KCNN2: variants seen among roughly 807,000 people sequenced by gnomAD.
KCNN2 encodes the protein small conductance calcium-activated potassium channel protein 2.
Under a neutral mutation model 55.5 loss-of-function variants are expected in KCNN2, and 24 were observed. The observed-to-expected ratio is 0.43, with a 90% CI of 0.31 to 0.61. KCNN2 has a LOEUF of 0.61. Ranked by LOEUF, KCNN2 falls within the 20% of genes least tolerant of loss-of-function variation. The pLI, the probability that KCNN2 is intolerant of heterozygous loss-of-function variation, is 0.08. For missense variants in KCNN2, 754 were observed against 853.6 expected (o/e 0.88, Z 1.45); for synonymous variants, 431 against 336.1 (o/e 1.28, Z -3.09).
intron 2 of KCNN2, among the ~76,000 whole-genome samples, chr5:114,309,220 C>T (rs970092977): frequency 6.6e-6 from 1 of 152,148 alleles, no homozygotes; most frequent in Non-Finnish European, 1.5e-5. Flanking sequence ...AACAGTTTTA[C>T]CCAAGGCAGA....
At chr5:114,259,707 G>A (rs187886923) in intron 2 of KCNN2, among the ~76,000 whole-genome samples, 3 of 152,080 alleles carry the variant, frequency 2.0e-5, no homozygotes, top group African/African-American at 7.2e-5. Flanking sequence ...CTGTAGGGGT[G>A]AGGGGAGCCG....
intron 2 of KCNN2, among the ~76,000 whole-genome samples, chr5:114,329,112 G>A (rs1756761769): frequency 1.3e-5 from 2 of 152,024 alleles, no homozygotes; most frequent in Admixed American, 6.6e-5. Flanking sequence ...GAATTTCCCT[G>A]ATAACTCTGT....
intron 3 of KCNN2, among the ~76,000 whole-genome samples, chr5:114,411,457 T>C (rs1390109608): frequency 6.6e-6 from 1 of 152,018 alleles, no homozygotes; most frequent in Non-Finnish European, 1.5e-5. Flanking sequence ...GGTATGCTGG[T>C]ATATGTGGCT....
chr5:114,418,680 G>A (rs1759379593), intron 3 of KCNN2, among the ~76,000 whole-genome samples: 1 of 152,172 alleles, frequency 6.6e-6, no homozygotes, highest in South Asian at 2.1e-4. Flanking sequence ...TAACCCTAAA[G>A]CAGCATTTCA....
chr5:114,073,532 C>CAGTT (rs2112529059), intron 1 of KCNN2, among the ~76,000 whole-genome samples: 1 of 152,276 alleles, frequency 6.6e-6, no homozygotes, highest in Admixed American at 6.5e-5. Flanking sequence ...ATATCATTTA[C>CAGTT]AGTTCTTCAG....
intron 1 of KCNN2, among the ~76,000 whole-genome samples, chr5:114,122,462 C>G (rs1751845894): frequency 6.6e-6 from 1 of 152,132 alleles, no homozygotes; most frequent in Non-Finnish European, 1.5e-5. Context: ...TCTGTCCTTT[C>G]ATTGAAAAAT....
chr5:114,291,860 C>A (rs1755896499), intron 2 of KCNN2, among the ~76,000 whole-genome samples: 1 of 152,146 alleles, frequency 6.6e-6, no homozygotes, highest in Admixed American at 6.5e-5. Flanking sequence ...CTATTGTTTC[C>A]TGACTTTTTA....
chr5:114,476,569 C>T (rs751852845), intron 5 of KCNN2, among the ~76,000 whole-genome samples: 6 of 152,068 alleles, frequency 3.9e-5, no homozygotes, highest in Non-Finnish European at 7.4e-5. Context: ...CAGGCATGCA[C>T]CACCATGCCC....
chr5:114,368,798 A>G (rs1245902733), intron 2 of KCNN2, among the ~76,000 whole-genome samples: 1 of 152,134 alleles, frequency 6.6e-6, no homozygotes, highest in Admixed American at 6.6e-5. Flanking sequence ...ATTTAGGAAT[A>G]CACCCATACC....
intron 1 of KCNN2, among the ~76,000 whole-genome samples, chr5:114,100,920 C>T (rs1751360850): frequency 6.6e-6 from 1 of 151,760 alleles, no homozygotes; most frequent in Non-Finnish European, 1.5e-5. Context: ...AGTTACATTA[C>T]ATTTTATATA....
intron 1 of KCNN2, among the ~76,000 whole-genome samples, chr5:114,138,784 G>A (rs1329329739): frequency 6.6e-6 from 1 of 152,118 alleles, no homozygotes; most frequent in East Asian, 1.9e-4. Context: ...AGAGGAGGAG[G>A]AAGAGGAGAG....
Position 114,384,517 on chromosome 5 carries a change from A to C in KCNN2, c.1219-19921A>C, listed in dbSNP as rs369784146. Among the ~76,000 whole-genome samples, 6 of 152,246 alleles carry C rather than the reference A, an allele frequency of 3.9e-5. No individual in the cohort carries two copies. In the East Asian group the frequency reaches 9.7e-4, roughly 25 times the overall value. On this transcript the variant is annotated intron_variant, in intron 2 of 7. Transcript: ENST00000673685. The stretch of plus-strand genomic sequence containing the variant: ...TTAGTCTGTGCCGTAAGTGTGCTTC[A>C]CTCTGGGATTCCCATCTTAACCTTC...
At chr5:114,215,710 C>G (rs1753987406) in intron 1 of KCNN2, among the ~76,000 whole-genome samples, 1 of 152,104 alleles carries the variant, frequency 6.6e-6, no homozygotes, top group South Asian at 2.1e-4. Flanking sequence ...GACAAGATGG[C>G]AATAATCGAC....
At position 114,169,584 on chromosome 5, in the gene KCNN2, A is replaced by T. The variant is rs149504387; in HGVS notation, c.-270-51896A>T. Among the ~76,000 whole-genome samples, 34 of 152,236 alleles carry T rather than the reference A, an allele frequency of 2.2e-4. 1 individual carries two copies. The highest frequency in any genetic ancestry group is 7.7e-4 in the African/African-American group (32 of 41,558). Reference sequence around the variant, plus strand: ...TTAGATACCAGACAGGAAGAATGCGACAGAGCCGTTATTATGTGCTCCATC... The same window carrying T: ...TTAGATACCAGACAGGAAGAATGCGTCAGAGCCGTTATTATGTGCTCCATC... On this transcript the variant is annotated intron_variant, in intron 1 of 10. Coordinates refer to the KCNN2 transcript ENST00000512097.
chr5:114,156,135 A>T (rs7701720), intron 1 of KCNN2, among the ~76,000 whole-genome samples: 2 of 152,014 alleles, frequency 1.3e-5, no homozygotes, highest in African/African-American at 2.4e-5. Context: ...TTTATTGAAT[A>T]GGGAATCTTT....
intron 1 of KCNN2, among the ~76,000 whole-genome samples, chr5:114,091,888 G>A (rs1206323770): frequency 2.6e-5 from 4 of 152,128 alleles, no homozygotes; most frequent in African/African-American, 4.8e-5. Context: ...TGGGGATTTT[G>A]GGGATTATGG....
rs561399052 is a variant in KCNN2 at position 114,124,156 on chromosome 5, G to T, written c.-271+67656G>T. 1.4e-4 allele frequency among the ~76,000 whole-genome samples: 21 copies of T among 152,282 alleles called. No individual in the cohort carries two copies. The South Asian group carries it at 4.4e-3, about 32-fold the overall frequency. On this transcript the variant is annotated intron_variant, in intron 1 of 10. Coordinates refer to the KCNN2 transcript ENST00000512097. ...AAGTTGTTTGTCATCATAATGGCAG[G>T]TTTGAGGTCAGGATGATAAATGGAT...
chr5:114,453,249 G>A (rs1708422931), intron 3 of KCNN2, among the ~76,000 whole-genome samples: 1 of 152,170 alleles, frequency 6.6e-6, no homozygotes, highest in South Asian at 2.1e-4. Flanking sequence ...GAGAGGGCCT[G>A]ATCTATGCCT....
intron 2 of KCNN2, among the ~76,000 whole-genome samples, chr5:114,392,787 C>T (rs368213678): frequency 2.1e-5 from 3 of 144,788 alleles, no homozygotes; most frequent in African/African-American, 7.5e-5. Context: ...TGGCTTTCTT[C>T]TGTAGTGTTT....
Sources: gnomAD v4.1 joint callset for allele counts (sites outside exome capture counted in the v4.1 genomes callset) on GRCh38, gnomAD v4.1.1 for gene constraint, MANE v1.5 for transcripts, NCBI Gene and HGNC (gene_info 2026-07-23, HGNC 2026-07-21) for gene names.